Variants in CMKLR2 observed in about 807,000 individuals in gnomAD.
The protein encoded by CMKLR2 is chemerin-like receptor 2.
In CMKLR2, 18 loss-of-function variants were observed where a neutral mutation model predicts 23.0. The ratio of observed to expected loss-of-function variants is 0.78; its 90% CI spans 0.54 to 1.16. The LOEUF is 1.16. CMKLR2 is among the 50% of genes most tolerant of loss of function. CMKLR2 has a pLI of 0.00. For synonymous variants in CMKLR2, 158 were observed against 158.9 expected (o/e 0.99, Z 0.05); for missense variants, 401 against 412.7 (o/e 0.97, Z 0.25).
At chr2:206,200,102 A>G (rs952553055) in intron 1 of CMKLR2, among the ~76,000 whole-genome samples, 6 of 152,186 alleles carry the variant, frequency 3.9e-5, no homozygotes, top group Non-Finnish European at 8.8e-5. Flanking sequence ...CTTGAGGGAA[A>G]TGAAAGTGAC....
intron 1 of CMKLR2, among the ~76,000 whole-genome samples, chr2:206,178,558 TA>T (rs1688302270): frequency 1.3e-5 from 2 of 152,212 alleles, no homozygotes; most frequent in Non-Finnish European, 2.9e-5. Flanking sequence ...AAGCTTTATT[TA>T]AATTTTTATC....
At chr2:206,215,533 C>T (rs974112717), upstream of CMKLR2, among the ~76,000 whole-genome samples, 14 of 152,064 alleles carry the variant, frequency 9.2e-5, no homozygotes, top group African/African-American at 3.1e-4. Flanking sequence ...CACACTGAAA[C>T]CCAGGAAAGT....
In CMKLR2 at chr2:206,210,964, C is replaced by T. The variant is rs920515760; in HGVS notation, c.-29+2343G>A. On this transcript the variant is annotated intron_variant, in intron 1 of 1. Coordinates refer to ENST00000621141, the MANE Select transcript of CMKLR2 (RefSeq NM_001389445.1). The stretch of plus-strand genomic sequence containing the variant: ...TTTTTTTCTAGGTTCAATGATTTAA[C>T]GTCAATTCAACTTTGTATTTTATTA... 5.3e-5 allele frequency among the ~76,000 whole-genome samples: 8 copies of T among 152,094 alleles called. No individual in the cohort carries two copies. In the South Asian group the frequency reaches 1.5e-3, roughly 28 times the overall value.
chr2:206,211,005 G>A (rs900147546), intron 1 of CMKLR2, among the ~76,000 whole-genome samples: 14 of 152,044 alleles, frequency 9.2e-5, no homozygotes, highest in African/African-American at 2.4e-4. Flanking sequence ...CATGCCTAGG[G>A]ACAATTTGGT....
chr2:206,205,554 T>C (rs1455493634), intron 1 of CMKLR2, among the ~76,000 whole-genome samples: 1 of 150,262 alleles, frequency 6.7e-6, no homozygotes, highest in Non-Finnish European at 1.5e-5. Flanking sequence ...AAATTTGGGG[T>C]AGAGACAGGG....
At chr2:206,182,359 G>C (rs1688442348) in intron 1 of CMKLR2, among the ~76,000 whole-genome samples, 1 of 152,094 alleles carries the variant, frequency 6.6e-6, no homozygotes, top group Non-Finnish European at 1.5e-5. Flanking sequence ...TGTCATACTT[G>C]TCTTATCACA....
rs73067885 is a variant in CMKLR2, at chr2:206,180,016, C to A, written c.-28-2741G>T. Among the ~76,000 whole-genome samples the A allele has an allele frequency of 6.5e-3, 990 of 152,220 alleles. 9 individuals are homozygous for A. Among genetic ancestry groups the A allele is most frequent in the African/African-American group, 0.023 (949 of 41,534 alleles). ...AGCAATTTATTCCCTTCCTCCCAACCCTAGCCCAGCAACTTTTTTGTTCTT... is the reference window on the plus strand; with the variant it reads ...AGCAATTTATTCCCTTCCTCCCAACACTAGCCCAGCAACTTTTTTGTTCTT... On this transcript the variant is annotated intron_variant, in intron 1 of 1. Coordinates refer to ENST00000621141, the MANE Select transcript of CMKLR2 (RefSeq NM_001389445.1).
chr2:206,184,328 C>T (rs1162866696), intron 1 of CMKLR2, among the ~76,000 whole-genome samples: 1 of 147,676 alleles, frequency 6.8e-6, no homozygotes, highest in African/African-American at 2.5e-5. Context: ...ACAGGTTTCG[C>T]TCTTGTTGCC....
At chr2:206,211,288 C>T (rs1559101086) in intron 1 of CMKLR2, among the ~76,000 whole-genome samples, 1 of 152,158 alleles carries the variant, frequency 6.6e-6, no homozygotes, top group Non-Finnish European at 1.5e-5. Context: ...AAGCACTTAA[C>T]ATGGAGGAAC....
chr2:206,195,835 T>C (rs1227590634), intron 1 of CMKLR2, among the ~76,000 whole-genome samples: 2 of 152,030 alleles, frequency 1.3e-5, no homozygotes, highest in Non-Finnish European at 2.9e-5. Flanking sequence ...ATGCCTGTAA[T>C]CCCAGCTACT....
chr2:206,187,062 G>A (rs542274397), intron 1 of CMKLR2, among the ~76,000 whole-genome samples: 1 of 152,178 alleles, frequency 6.6e-6, no homozygotes, highest in Admixed American at 6.5e-5. Flanking sequence ...AAAAGAGAAT[G>A]AAGGCCAGGC....
chr2:206,200,637 T>G (rs1689064147), intron 1 of CMKLR2, among the ~76,000 whole-genome samples: 1 of 152,218 alleles, frequency 6.6e-6, no homozygotes, highest in African/African-American at 2.4e-5. Context: ...TCCTTTTTAT[T>G]TATTTTTATA....
chr2:206,206,520 C>T (rs553367319), intron 1 of CMKLR2, among the ~76,000 whole-genome samples: 3 of 152,306 alleles, frequency 2.0e-5, no homozygotes, highest in South Asian at 2.1e-4. Context: ...AAAAGGTAAG[C>T]GGTACTTTTA....
chr2:206,177,577 A>C (rs1688274202), intron 1 of CMKLR2, among the ~76,000 whole-genome samples: 1 of 152,020 alleles, frequency 6.6e-6, no homozygotes, highest in Non-Finnish European at 1.5e-5. Flanking sequence ...TGTAGAGATG[A>C]GGTCTCACTA....
chr2:206,184,121 C>G (rs72944876), intron 1 of CMKLR2, among the ~76,000 whole-genome samples: 9,558 of 152,212 alleles, frequency 0.063, 394 homozygotes, highest in East Asian at 0.17. Context: ...CCTTCCTTGG[C>G]TTGTACATGT....
upstream of CMKLR2, among the ~76,000 whole-genome samples, chr2:206,214,623 TTTA>T (rs1559103172): frequency 3.3e-5 from 5 of 151,804 alleles, no homozygotes; most frequent in Non-Finnish European, 1.5e-5. Flanking sequence ...AATTTTATTT[TTTA>T]TTATTATTTT....
rs373050394 is a variant in CMKLR2, at chr2:206,194,592, C to T, written c.-28-17317G>A. Among the ~76,000 whole-genome samples the T allele has an allele frequency of 2.1e-3, 312 of 150,538 alleles. 3 individuals carry two copies. The highest frequency in any genetic ancestry group is 7.3e-3 in the African/African-American group (298 of 40,998). On this transcript the variant is annotated intron_variant, in intron 1 of 1. Transcript: ENST00000621141. Reference sequence around the variant, plus strand: ...CATGCCTCAGTCTCCCAAGTAGCCACGCCCGGCTAATTTTTGTATTTTTAG... The same window carrying T: ...CATGCCTCAGTCTCCCAAGTAGCCATGCCCGGCTAATTTTTGTATTTTTAG...
chr2:206,206,581 T>C (rs1012699636), intron 1 of CMKLR2, among the ~76,000 whole-genome samples: 10 of 152,354 alleles, frequency 6.6e-5, no homozygotes, highest in Admixed American at 3.3e-4. Flanking sequence ...ACCTATGCCC[T>C]AGCCTAAATC....
intron 1 of CMKLR2, among the ~76,000 whole-genome samples, chr2:206,184,298 CTCTTT>C (rs1300834303): frequency 1.4e-5 from 2 of 140,484 alleles, no homozygotes; most frequent in South Asian, 4.3e-4. Flanking sequence ...CTCTCTCTCT[CTCTTT>C]TTTTTTTTTT....
Sources: gnomAD v4.1 joint callset for allele counts (sites outside exome capture counted in the v4.1 genomes callset) on GRCh38, gnomAD v4.1.1 for gene constraint, MANE v1.5 for transcripts, NCBI Gene and HGNC (gene_info 2026-07-23, HGNC 2026-07-21) for gene names.